SLC25A13: variants seen among roughly 807,000 people sequenced by gnomAD.
The protein encoded by SLC25A13 is solute carrier family 25 member 13.
Under a neutral mutation model 85.5 loss-of-function variants are expected in SLC25A13, and 70 were observed. The observed-to-expected ratio is 0.82, with a 90% CI of 0.68 to 1.00. The LOEUF is 1.00. Among genes scored for constraint, SLC25A13 ranks in the 50% least tolerant of loss-of-function variants. The pLI is 0.00. For missense variants in SLC25A13, 765 were observed against 819.8 expected, an observed-to-expected ratio of 0.93 and a Z score of 0.82; for synonymous variants, 259 against 288.7, an observed-to-expected ratio of 0.90 and a Z score of 1.04.
chr7:96,267,671 G>A (rs1229815550), intron 3 of SLC25A13, among the ~76,000 whole-genome samples: 2 of 151,982 alleles, frequency 1.3e-5, no homozygotes, highest in East Asian at 1.9e-4. Flanking sequence ...AAAATTAGCC[G>A]GGTGTGGTGG....
At chr7:96,237,067 C>G (rs532593993) in intron 3 of SLC25A13, among the ~76,000 whole-genome samples, 1 of 152,194 alleles carries the variant, frequency 6.6e-6, no homozygotes, top group Admixed American at 6.5e-5. Flanking sequence ...TTCCAAACCC[C>G]CTTTCCTTTC....
intron 3 of SLC25A13, among the ~76,000 whole-genome samples, chr7:96,250,739 CAA>C (rs57574466): frequency 0.012 from 1,474 of 118,318 alleles, 32 homozygotes; most frequent in African/African-American, 0.045. Flanking sequence ...AGACCTGTTA[CAA>C]AAAAAAAAAA....
chr7:96,310,216 A>C (rs552311714), intron 1 of SLC25A13, among the ~76,000 whole-genome samples: 2 of 152,054 alleles, frequency 1.3e-5, no homozygotes, highest in African/African-American at 2.4e-5. Flanking sequence ...TCTTTTCTTT[A>C]TTTGTTTTTA....
intron 11 of SLC25A13, among the ~76,000 whole-genome samples, chr7:96,172,713 G>T (rs1476406725): frequency 6.6e-6 from 1 of 152,074 alleles, no homozygotes; most frequent in East Asian, 1.9e-4. Flanking sequence ...CATGCAAGGT[G>T]GTGCCCACCC....
At chr7:96,170,843 T>C (rs1024677314) in intron 12 of SLC25A13, among the ~76,000 whole-genome samples, 1 of 152,174 alleles carries the variant, frequency 6.6e-6, no homozygotes, top group South Asian at 2.1e-4. Context: ...GTGATGCAAA[T>C]ATTTGTATAT....
At chr7:96,257,748 C>T (rs1207805647) in intron 3 of SLC25A13, among the ~76,000 whole-genome samples, 2 of 152,104 alleles carry the variant, frequency 1.3e-5, no homozygotes, top group African/African-American at 4.8e-5. Context: ...CAAAATCTGG[C>T]AGAGACACAA....
At chr7:96,160,931 C>T (rs1415202597) in intron 13 of SLC25A13, among the ~76,000 whole-genome samples, 1 of 150,906 alleles carries the variant, frequency 6.6e-6, no homozygotes, top group Non-Finnish European at 1.5e-5. Context: ...TGCCTCTTGG[C>T]TTTTCAGAAA....
At chr7:96,244,002 C>A (rs995116786) in intron 3 of SLC25A13, among the ~76,000 whole-genome samples, 1 of 152,072 alleles carries the variant, frequency 6.6e-6, no homozygotes, top group African/African-American at 2.4e-5. Flanking sequence ...GAGCACGGGC[C>A]GCCGGGTGAA....
chr7:96,318,533 A>G (rs1800213257), intron 1 of SLC25A13, among the ~76,000 whole-genome samples: 1 of 152,232 alleles, frequency 6.6e-6, no homozygotes, highest in Non-Finnish European at 1.5e-5. Flanking sequence ...CAGAATACTA[A>G]GAGTTTTAGA....
intron 5 of SLC25A13, among the ~76,000 whole-genome samples, chr7:96,207,550 T>G (rs570225791): frequency 4.6e-5 from 7 of 151,976 alleles, no homozygotes; most frequent in Non-Finnish European, 8.8e-5. Flanking sequence ...ACCAAATGAG[T>G]CCCCTTACAT....
chr7:96,235,994 G>T (rs568185723), intron 3 of SLC25A13, among the ~76,000 whole-genome samples: 1 of 152,236 alleles, frequency 6.6e-6, no homozygotes, highest in Non-Finnish European at 1.5e-5. Flanking sequence ...GTTTCCGGAG[G>T]ATATGGAAGG....
intron 3 of SLC25A13, among the ~76,000 whole-genome samples, chr7:96,251,313 C>T (rs1240023728): frequency 6.6e-6 from 1 of 152,120 alleles, no homozygotes; most frequent in Non-Finnish European, 1.5e-5. Flanking sequence ...GAGAGTACCA[C>T]AAGGCCTTGT....
At chr7:96,194,460 A>AAAAAAAAAAAAAAAAAAAAAAAAAC (rs1562832886) in intron 5 of SLC25A13, among the ~76,000 whole-genome samples, 1 of 148,256 alleles carries the variant, frequency 6.7e-6, no homozygotes, top group Non-Finnish European at 1.5e-5. Flanking sequence ...AAAAAAAAAA[A>AAAAAAAAAAAAAAAAAAAAAAAAAC]AAAAAAAGGA....
intron 14 of SLC25A13, among the ~76,000 whole-genome samples, chr7:96,137,035 G>T (rs1197784092): frequency 6.6e-6 from 1 of 152,124 alleles, no homozygotes; most frequent in African/African-American, 2.4e-5. Context: ...ACAAACAATG[G>T]GCAGCATGTC....
intron 4 of SLC25A13, among the ~76,000 whole-genome samples, chr7:96,217,441 A>C (rs1795938075): frequency 6.6e-6 from 1 of 152,264 alleles, no homozygotes; most frequent in Non-Finnish European, 1.5e-5. Flanking sequence ...ATGAATGTTC[A>C]CAGCAACGTT....
chr7:96,250,056 G>A (rs1379773683), intron 3 of SLC25A13, among the ~76,000 whole-genome samples: 4 of 151,954 alleles, frequency 2.6e-5, no homozygotes. Context: ...GGTGACACAC[G>A]CCTGTGATCC....
chr7:96,265,223 A>T (rs1798004264), intron 3 of SLC25A13, among the ~76,000 whole-genome samples: 1 of 152,218 alleles, frequency 6.6e-6, no homozygotes, highest in Non-Finnish European at 1.5e-5. Flanking sequence ...TTACCCATGC[A>T]TAATTTTGTA....
chr7:96,121,158 C>T lies in SLC25A13; in HGVS notation c.*33G>A. The T allele has an allele frequency of 6.2e-7, 1 of 1,611,230 alleles. No individual in the cohort carries two copies. The highest frequency in any genetic ancestry group is 8.5e-7 in the Non-Finnish European group (1 of 1,177,368). ...GGGATGTTCTTTACTGCAGTACCCA[C>T]AAAAAGACAGCACTATCCCAGGGCT... On this transcript the variant is annotated 3_prime_UTR_variant, in exon 18 of 18. Transcript: ENST00000265631.
chr7:96,165,070 C>T (rs773684405), intron 13 of SLC25A13, among the ~76,000 whole-genome samples: 2 of 152,142 alleles, frequency 1.3e-5, no homozygotes, highest in Admixed American at 1.3e-4. Context: ...TACAAAGAGT[C>T]TACAGGTTAC....
Sources: allele counts gnomAD v4.1 joint callset (sites outside exome capture counted in the v4.1 genomes callset), GRCh38; gene constraint gnomAD v4.1.1; transcripts MANE v1.5; gene names NCBI Gene and HGNC (gene_info 2026-07-23, HGNC 2026-07-21).